The following WDHD1 variants were observed in gnomAD, a reference collection of about 807,000 sequenced individuals.
WDHD1 encodes the protein WD repeat and HMG-box DNA binding protein 1.
WDHD1 carries 111 observed loss-of-function variants against 135.4 expected under a neutral mutation model. The observed-to-expected ratio is 0.82, with a 90% CI of 0.70 to 0.96. The LOEUF (loss-of-function observed/expected upper bound fraction) is 0.96. WDHD1 is among the 40% of genes least tolerant of loss of function. WDHD1 has a pLI of 0.00. For missense variants in WDHD1, 1,351 were observed against 1,336.3 expected (o/e 1.01, Z -0.17); for synonymous variants, 434 against 439.0 (o/e 0.99, Z 0.14).
At chr14:54,954,420 A>G (rs1163345425) in intron 24 of WDHD1, among the ~76,000 whole-genome samples, 2 of 152,268 alleles carry the variant, frequency 1.3e-5, no homozygotes, top group Non-Finnish European at 2.9e-5. Flanking sequence ...AAAATGATAC[A>G]ACATCAATGC....
intron 16 of WDHD1, among the ~76,000 whole-genome samples, chr14:54,977,650 T>A (rs1455148096): frequency 6.6e-6 from 1 of 152,188 alleles, no homozygotes; most frequent in Non-Finnish European, 1.5e-5. Flanking sequence ...CCAGCCTGGA[T>A]AACGTAAGGA....
At chr14:54,954,167 T>C (rs1174104119) in intron 24 of WDHD1, among the ~76,000 whole-genome samples, 1 of 150,368 alleles carries the variant, frequency 6.7e-6, no homozygotes, top group Non-Finnish European at 1.5e-5. Flanking sequence ...ATGCCTGCAA[T>C]CCCAGCTACT....
intron 2 of WDHD1, among the ~76,000 whole-genome samples, chr14:55,016,127 A>T (rs988162994): frequency 5.3e-5 from 8 of 152,204 alleles, no homozygotes; most frequent in Non-Finnish European, 1.2e-4. Context: ...AAGGCAGAAA[A>T]TAGAGTTAAG....
chr14:54,968,208 G>A (rs1235713745), intron 16 of WDHD1, among the ~76,000 whole-genome samples: 1 of 151,958 alleles, frequency 6.6e-6, no homozygotes, highest in Non-Finnish European at 1.5e-5. Context: ...TCAATACTGA[G>A]GATCTCTCAG....
chr14:55,017,483 C>A (rs2042279710), intron 2 of WDHD1, among the ~76,000 whole-genome samples: 1 of 152,044 alleles, frequency 6.6e-6, no homozygotes, highest in South Asian at 2.1e-4. Flanking sequence ...GCTAGTATTA[C>A]AGGCACGCAC....
intron 16 of WDHD1, among the ~76,000 whole-genome samples, chr14:54,972,535 A>T (rs2041453954): frequency 7.4e-6 from 1 of 134,342 alleles, no homozygotes; most frequent in Admixed American, 8.2e-5. Context: ...CAGCCTGGGC[A>T]ATAAAGCAAG....
chr14:55,010,231 GA>G, intron 4 of WDHD1, 77 bp downstream of exon 4: 1 of 1,360,640 alleles, frequency 7.3e-7, no homozygotes, highest in South Asian at 2.1e-5. Context: ...TCACGGTCCT[GA>G]AAACACTACC....
In WDHD1 at chr14:55,002,149, A is replaced by G. The variant is rs1269373419; in HGVS notation, c.637T>C (p.Tyr213His). 7.5e-6 allele frequency: 12 copies of G among 1,605,318 alleles called. No individual in the cohort carries two copies. Among genetic ancestry groups the G allele is most frequent in the Non-Finnish European group, 1.0e-5 (12 of 1,177,514 alleles). The change falls in exon 8 of 26, where the codon TAT becomes CAT. Residue 213 changes from tyrosine to histidine, a missense_variant. By Grantham distance (83) the Tyr-to-His change is moderately conservative. Transcript: ENST00000360586. The part of the protein sequence containing the change: ...AIPVEKSVKL[Y>H]RRESWSHQFD... ...TGATGACTCCAAGATTCTCTTCTAT[A>G]TAGCTTAACAGATTTTTCCACAGGA... is the stretch of plus-strand genomic sequence containing the variant.
chr14:54,945,980 C>T (rs1199949306), intron 24 of WDHD1, among the ~76,000 whole-genome samples: 1 of 152,094 alleles, frequency 6.6e-6, no homozygotes, highest in Non-Finnish European at 1.5e-5. Flanking sequence ...ACCATTTGCC[C>T]AATTTCTGAA....
At chr14:55,026,219 G>T (rs1037247349) in intron 2 of WDHD1, among the ~76,000 whole-genome samples, 1 of 152,078 alleles carries the variant, frequency 6.6e-6, no homozygotes, top group Admixed American at 6.5e-5. Context: ...GCAGTAGTGC[G>T]TAAGAATGGG....
intron 11 of WDHD1, 67 bp downstream of exon 11, chr14:54,995,536 T>C (rs1566733034): frequency 1.6e-6 from 2 of 1,222,992 alleles, no homozygotes; most frequent in African/African-American, 1.5e-5. Flanking sequence ...ATGACTTTAA[T>C]AGTGTTAATA....
chr14:55,010,956 G>A (rs1282433340), intron 3 of WDHD1, among the ~76,000 whole-genome samples: 3 of 152,216 alleles, frequency 2.0e-5, no homozygotes, highest in Non-Finnish European at 4.4e-5. Context: ...GGCAAGGAAT[G>A]TTGAGGATTG....
Position 55,007,784 on chromosome 14 carries a change from T to C in WDHD1, c.505-409A>G, listed in dbSNP as rs561002883. 2.4e-4 allele frequency among the ~76,000 whole-genome samples: 37 copies of C among 152,366 alleles called. 1 individual carries two copies. The highest frequency in any genetic ancestry group is 7.7e-4 in the African/African-American group (32 of 41,588). On this transcript the variant is annotated intron_variant, in intron 6 of 25. Transcript: ENST00000360586. The stretch of plus-strand genomic sequence containing the variant: ...GGAACTGTGGATATTAAGGCATATT[T>C]GTGGAGGATATTTCTCTAGTCAATT...
chr14:54,990,477 T>TC (rs1020822647), intron 12 of WDHD1, among the ~76,000 whole-genome samples: 2 of 151,690 alleles, frequency 1.3e-5, no homozygotes, highest in Admixed American at 1.3e-4. Context: ...GCACCTGTAG[T>TC]CCCAGCTACT....
chr14:54,979,098 C>A (rs925926872), intron 16 of WDHD1, among the ~76,000 whole-genome samples: 1 of 152,068 alleles, frequency 6.6e-6, no homozygotes, highest in African/African-American at 2.4e-5. Flanking sequence ...TAAAAAATCC[C>A]TTCAAAGACT....
At chr14:54,993,748 A>T (rs1473425922) in intron 11 of WDHD1, among the ~76,000 whole-genome samples, 4 of 149,124 alleles carry the variant, frequency 2.7e-5, no homozygotes, top group African/African-American at 7.3e-5. Flanking sequence ...CTTCTCACTA[A>T]TTTTTTTTGT....
intron 2 of WDHD1, among the ~76,000 whole-genome samples, chr14:55,025,472 C>T (rs1594602654): frequency 6.6e-6 from 1 of 152,150 alleles, no homozygotes; most frequent in African/African-American, 2.4e-5. Context: ...CGAGAAACAC[C>T]CACAAGTGTG....
intron 24 of WDHD1, among the ~76,000 whole-genome samples, chr14:54,952,674 C>T (rs1045060778): frequency 1.3e-5 from 2 of 152,116 alleles, no homozygotes; most frequent in South Asian, 2.1e-4. Flanking sequence ...AAAAAGAGCC[C>T]GCATTGCCAA....
Position 54,984,810 on chromosome 14 carries a change from C to A in WDHD1, c.1819G>T (p.Gly607Trp), listed in dbSNP as rs747829304. The change falls in exon 15 of 26, where the codon GGG (glycine) becomes TGG (tryptophan). Residue 607 changes from glycine (G) to tryptophan (W), a missense_variant. Coordinates refer to ENST00000360586, the MANE Select transcript of WDHD1 (RefSeq NM_007086.4). Reference sequence around the variant, plus strand: ...TGCAAAATTTGTTTTTTCTTTTTCCCCAGCTCTAGCAGTTGAACTCCAAGG... The same window carrying A: ...TGCAAAATTTGTTTTTTCTTTTTCCACAGCTCTAGCAGTTGAACTCCAAGG... ...QCLGVQLLEL[G>W]KKKKQILHGD... The A allele has an allele frequency of 6.2e-7, 1 of 1,613,152 alleles. No individual in the cohort carries two copies. The highest frequency in any genetic ancestry group is 8.5e-7 in the Non-Finnish European group (1 of 1,179,672).
Sources: allele counts gnomAD v4.1 joint callset (sites outside exome capture counted in the v4.1 genomes callset), GRCh38; gene constraint gnomAD v4.1.1; transcripts MANE v1.5; gene names NCBI Gene and HGNC (gene_info 2026-07-23, HGNC 2026-07-21).